Variants in CTNNA3 observed in about 807,000 individuals in gnomAD.
The protein encoded by CTNNA3 is catenin alpha 3.
Under a neutral mutation model 95.7 loss-of-function variants are expected in CTNNA3, and 76 were observed. The ratio of observed to expected loss-of-function variants is 0.79; its 90% CI spans 0.66 to 0.96. The LOEUF is 0.96. Ranked by LOEUF, CTNNA3 falls within the 40% of genes least tolerant of loss-of-function variation. CTNNA3 has a pLI of 0.00. For missense variants in CTNNA3, 1,191 were observed against 1,089.8 expected (o/e 1.09, Z -1.31); for synonymous variants, 431 against 374.4 (o/e 1.15, Z -1.74).
chr10:67,465,367 C>T (rs1161762733), intron 5 of CTNNA3, among the ~76,000 whole-genome samples: 1 of 151,900 alleles, frequency 6.6e-6, no homozygotes, highest in Non-Finnish European at 1.5e-5. Flanking sequence ...CTGCCCTCCC[C>T]AAGTATTTCA....
chr10:66,246,856 T>C (rs1165813245), intron 13 of CTNNA3, among the ~76,000 whole-genome samples: 1 of 151,572 alleles, frequency 6.6e-6, no homozygotes, highest in Non-Finnish European at 1.5e-5. Context: ...ATCAAGACCA[T>C]CCTGGCTAAC....
At chr10:66,808,081 G>A (rs1016037201) in intron 7 of CTNNA3, among the ~76,000 whole-genome samples, 4 of 152,018 alleles carry the variant, frequency 2.6e-5, no homozygotes, top group Non-Finnish European at 4.4e-5. Flanking sequence ...GAAATGAAGC[G>A]CTTAAACTGA....
intron 11 of CTNNA3, among the ~76,000 whole-genome samples, chr10:66,446,769 C>G (rs912753201): frequency 7.2e-5 from 11 of 151,994 alleles, no homozygotes; most frequent in Admixed American, 3.9e-4. Flanking sequence ...TGGCACAAGA[C>G]AGGGATGCCC....
At chr10:67,312,033 T>C (rs1840828973) in intron 5 of CTNNA3, among the ~76,000 whole-genome samples, 1 of 151,658 alleles carries the variant, frequency 6.6e-6, no homozygotes, top group Non-Finnish European at 1.5e-5. Context: ...TTTAAAGTGT[T>C]AAGTCTGCAA....
chr10:66,480,761 T>C (rs181768275), intron 11 of CTNNA3, among the ~76,000 whole-genome samples: 1 of 152,156 alleles, frequency 6.6e-6, no homozygotes, highest in Non-Finnish European at 1.5e-5. Context: ...CGTGCCACCA[T>C]GCCCGGTTAA....
chr10:66,140,015 GC>G (rs1390652161), intron 13 of CTNNA3, among the ~76,000 whole-genome samples: 1 of 152,130 alleles, frequency 6.6e-6, no homozygotes, highest in African/African-American at 2.4e-5. Flanking sequence ...GTAACTGCAC[GC>G]TCCATGTCTG....
chr10:67,061,859 G>C (rs1247779669), intron 7 of CTNNA3, among the ~76,000 whole-genome samples: 4 of 152,112 alleles, frequency 2.6e-5, no homozygotes, highest in Non-Finnish European at 5.9e-5. Flanking sequence ...TAACATTACT[G>C]ATAAAGAATC....
At chr10:67,150,261 A>C (rs11594391) in intron 7 of CTNNA3, among the ~76,000 whole-genome samples, 42,403 of 152,050 alleles carry the variant, frequency 0.28, 6,823 homozygotes, top group Middle Eastern at 0.54. Flanking sequence ...ATTTGCAAAC[A>C]TCACATATAA....
intron 10 of CTNNA3, among the ~76,000 whole-genome samples, chr10:66,581,720 T>C (rs947286677): frequency 6.6e-6 from 1 of 151,638 alleles, no homozygotes; most frequent in South Asian, 2.1e-4. Context: ...TATTTGCCTA[T>C]GCTGGTGTCC....
intron 11 of CTNNA3, among the ~76,000 whole-genome samples, chr10:66,402,637 T>C (rs2456746): frequency 0.22 from 33,214 of 152,058 alleles, 4,772 homozygotes; most frequent in African/African-American, 0.42. Context: ...GCTGAGTTTC[T>C]AGGATGGAAA....
At chr10:67,701,574 C>T (rs1302040920) in intron 1 of CTNNA3, among the ~76,000 whole-genome samples, 1 of 152,164 alleles carries the variant, frequency 6.6e-6, no homozygotes, top group Non-Finnish European at 1.5e-5. Flanking sequence ...CAAGCAAATG[C>T]TGAGAGATTT....
intron 9 of CTNNA3, among the ~76,000 whole-genome samples, chr10:66,715,503 T>C (rs1848422757): frequency 6.6e-6 from 1 of 152,176 alleles, no homozygotes; most frequent in South Asian, 2.1e-4. Context: ...TTAAAAGTTA[T>C]TTAAAAACTA....
Position 67,143,425 on chromosome 10 carries a change from T to TAAAAAAAAAAAAAAAAAAAAAAAAAAA in CTNNA3, c.1047+36891_1047+36892insTTTTTTTTTTTTTTTTTTTTTTTTTTT, listed in dbSNP as rs61603392. On this transcript the variant is annotated intron_variant, in intron 7 of 17. Transcript: ENST00000433211. The stretch of plus-strand genomic sequence containing the variant: ...TGGGTGACTGAGCAAGGCTCTGTCT[T>TAAAAAAAAAAAAAAAAAAAAAAAAAAA]AAAAAAAAAAAAAAAAAAAAAATTA... Among the ~76,000 whole-genome samples the TAAAAAAAAAAAAAAAAAAAAAAAAAAA allele has an allele frequency of 1.7e-3, 126 of 75,948 alleles. 19 individuals carry two copies. The highest frequency in any genetic ancestry group is 2.4e-3 in the Non-Finnish European group (92 of 38,006). 49.8% of individuals were successfully genotyped at this position (75,948 alleles called of 152,430 possible).
chr10:67,002,090 T>G (rs1234868766), intron 7 of CTNNA3, among the ~76,000 whole-genome samples: 3 of 152,140 alleles, frequency 2.0e-5, no homozygotes, highest in Non-Finnish European at 4.4e-5. Context: ...TTTCTTCACC[T>G]AAAAAAATGA....
chr10:66,751,096 C>T (rs761495448), intron 9 of CTNNA3, among the ~76,000 whole-genome samples: 11 of 151,966 alleles, frequency 7.2e-5, no homozygotes, highest in African/African-American at 2.2e-4. Context: ...GGTGAAACCC[C>T]GTCTCTGCTA....
At chr10:66,139,827 T>C (rs1249554876) in intron 13 of CTNNA3, among the ~76,000 whole-genome samples, 8 of 152,062 alleles carry the variant, frequency 5.3e-5, no homozygotes. Flanking sequence ...TGAGATGATG[T>C]TTAGGTCAAA....
chr10:67,090,178 C>T (rs1235615280), intron 7 of CTNNA3, among the ~76,000 whole-genome samples: 3 of 151,982 alleles, frequency 2.0e-5, no homozygotes, highest in Non-Finnish European at 2.9e-5. Context: ...AGGTTCCTGT[C>T]CCCATCTTGA....
At chr10:66,116,502 T>C (rs1301448714) in intron 13 of CTNNA3, among the ~76,000 whole-genome samples, 1 of 152,178 alleles carries the variant, frequency 6.6e-6, no homozygotes, top group African/African-American at 2.4e-5. Context: ...AGATGAATTA[T>C]TTAACAAATG....
At chr10:67,548,665 A>G (rs952645524) in intron 3 of CTNNA3, among the ~76,000 whole-genome samples, 1 of 152,210 alleles carries the variant, frequency 6.6e-6, no homozygotes, top group African/African-American at 2.4e-5. Context: ...TTAGAAAAAG[A>G]AAACAGGAAT....
Sources: allele counts gnomAD v4.1 joint callset (sites outside exome capture counted in the v4.1 genomes callset), GRCh38; gene constraint gnomAD v4.1.1; transcripts MANE v1.5; gene names NCBI Gene and HGNC (gene_info 2026-07-23, HGNC 2026-07-21).